ROCK1: variants seen among roughly 807,000 people sequenced by gnomAD.
The protein encoded by ROCK1 is rho-associated protein kinase 1.
Under a neutral mutation model 196.8 loss-of-function variants are expected in ROCK1, and 36 were observed. The observed-to-expected ratio is 0.18, with a 90% confidence interval of 0.14 to 0.24. The LOEUF is 0.24. Among genes scored for constraint, ROCK1 ranks in the 10% least tolerant of loss-of-function variants. The pLI is 1.00. For synonymous variants in ROCK1, 443 were observed against 515.9 expected (o/e 0.86, Z 1.91); for missense variants, 920 against 1,562.0 (o/e 0.59, Z 6.93).
At chr18:21,062,596 C>A (rs1330500582) in intron 2 of ROCK1, among the ~76,000 whole-genome samples, 1 of 152,018 alleles carries the variant, frequency 6.6e-6, no homozygotes, top group Non-Finnish European at 1.5e-5. Flanking sequence ...CCAAATAATA[C>A]GTGTAAAGTC....
At chr18:20,962,289 T>C (rs1362942970) in intron 27 of ROCK1, among the ~76,000 whole-genome samples, 1 of 152,114 alleles carries the variant, frequency 6.6e-6, no homozygotes, top group Non-Finnish European at 1.5e-5. Context: ...GTGGTAGAAA[T>C]TGCAGCTCTG....
intron 2 of ROCK1, among the ~76,000 whole-genome samples, chr18:21,057,034 CTGT>C (rs1368178998): frequency 6.6e-6 from 1 of 152,214 alleles, no homozygotes; most frequent in Non-Finnish European, 1.5e-5. Context: ...CCTTCTTAAA[CTGT>C]TGTATCTTTT....
intron 9 of ROCK1, among the ~76,000 whole-genome samples, chr18:21,039,116 T>A (rs991480970): frequency 8.5e-5 from 13 of 152,172 alleles, no homozygotes; most frequent in Non-Finnish European, 1.6e-4. Context: ...TAACTTGTCT[T>A]CTCACAAAAA....
chr18:21,065,550 G>A (rs774076928), intron 2 of ROCK1, among the ~76,000 whole-genome samples: 2 of 152,004 alleles, frequency 1.3e-5, no homozygotes, highest in Non-Finnish European at 2.9e-5. Flanking sequence ...ATCCATAATG[G>A]TTTATAAGCA....
chr18:20,989,106 A>G (rs2143402597), intron 18 of ROCK1, among the ~76,000 whole-genome samples: 1 of 152,348 alleles, frequency 6.6e-6, no homozygotes, highest in East Asian at 1.9e-4. Flanking sequence ...TTTAAGGACA[A>G]CCAAAATACG....
rs140835633 is a variant in ROCK1 at position 20,995,500 on chromosome 18, T to C, written c.1886-2563A>G. 1.8e-4 allele frequency among the ~76,000 whole-genome samples: 28 copies of C among 152,248 alleles called. 1 individual carries two copies. In the East Asian group the frequency reaches 5.4e-3, roughly 30 times the overall value. ...AAGCAGGCTCTTGGGGGTCCCCAAT[T>C]CCAGGTCCTGGTTCTTGGATGGCAT... On this transcript the variant is annotated intron_variant, in intron 16 of 32. Transcript: ENST00000399799.
intron 10 of ROCK1, among the ~76,000 whole-genome samples, chr18:21,025,372 A>T (rs2035946945): frequency 6.6e-6 from 1 of 152,192 alleles, no homozygotes. Flanking sequence ...GAGGTTTTCT[A>T]TTTCATATCT....
intron 22 of ROCK1, among the ~76,000 whole-genome samples, chr18:20,979,504 C>T (rs1190410673): frequency 6.6e-6 from 1 of 151,996 alleles, no homozygotes. Context: ...CGCCTGTAAT[C>T]CCAGCTACTC....
intron 24 of ROCK1, 53 bp downstream of exon 24, chr18:20,969,062 G>A (rs1198213553): frequency 1.7e-6 from 2 of 1,210,630 alleles, no homozygotes; most frequent in African/African-American, 3.0e-5. Flanking sequence ...CATAGGTAAA[G>A]ATAAATCACT....
At chr18:21,003,791 A>G (rs1240822861) in intron 16 of ROCK1, among the ~76,000 whole-genome samples, 1 of 152,194 alleles carries the variant, frequency 6.6e-6, no homozygotes, top group African/African-American at 2.4e-5. Flanking sequence ...GAGCACTGAC[A>G]TGACATTCAA....
rs1166176471 is a variant in ROCK1, at chr18:20,958,942, AATAATATATATATTTTATATAATATAT to A, written c.3512+871_3512+897del. On this transcript the variant is annotated intron_variant, in intron 29 of 32. Transcript: ENST00000399799. Reference sequence around the variant, plus strand: ...TATTTTATATATATATTATATAAAAAATAATATATATATTTTATATAATATATATAATATATATATTTTATAAAAAAT... The same window carrying A: ...TATTTTATATATATATTATATAAAAAATAATATATATATTTTATAAAAAAT... 1.4e-4 allele frequency among the ~76,000 whole-genome samples: 13 copies of A among 93,972 alleles called. No homozygotes were observed. In the Admixed American group the frequency reaches 1.7e-3, roughly 12 times the overall value. The allele number at this position is 93,972 out of a possible 152,430, so 61.6% of individuals were successfully genotyped here. A position where few individuals can be genotyped will look rare whatever the true frequency, so the allele number is the denominator to read the frequency against.
intron 12 of ROCK1, 80 bp from the exon 13 acceptor site, chr18:21,015,559 T>G (rs1303432301): frequency 3.3e-6 from 3 of 906,450 alleles, no homozygotes; most frequent in Non-Finnish European, 5.3e-6. Flanking sequence ...TTCCTTACTT[T>G]TCCACTTAAC....
chr18:21,094,595 A>C (rs1303726651), intron 1 of ROCK1, among the ~76,000 whole-genome samples: 1 of 149,014 alleles, frequency 6.7e-6, no homozygotes, highest in Non-Finnish European at 1.5e-5. Flanking sequence ...AAAAAAATAC[A>C]AACATTGGCC....
At chr18:20,962,908 T>A (rs1480607256) in intron 27 of ROCK1, among the ~76,000 whole-genome samples, 3 of 152,144 alleles carry the variant, frequency 2.0e-5, no homozygotes. Flanking sequence ...TTTCCTTTCC[T>A]TACGCCTACC....
At chr18:21,068,746 A>G (rs1261948835) in intron 2 of ROCK1, among the ~76,000 whole-genome samples, 1 of 152,168 alleles carries the variant, frequency 6.6e-6, no homozygotes, top group Non-Finnish European at 1.5e-5. Context: ...TGTATTTGTT[A>G]TAATAAATTA....
At chr18:21,041,385 G>A (rs1268563195) in intron 8 of ROCK1, among the ~76,000 whole-genome samples, 7 of 150,494 alleles carry the variant, frequency 4.7e-5, no homozygotes, top group African/African-American at 1.7e-4. Context: ...ATATTTAAAA[G>A]TACTAGGTCT....
intron 1 of ROCK1, among the ~76,000 whole-genome samples, chr18:21,109,325 G>A (rs1372987512): frequency 6.6e-6 from 1 of 151,960 alleles, no homozygotes; most frequent in Non-Finnish European, 1.5e-5. Flanking sequence ...TATAGCAAGA[G>A]GCCAGAAGAT....
chr18:20,974,083 T>G (rs1296815822), intron 22 of ROCK1, among the ~76,000 whole-genome samples: 1 of 152,216 alleles, frequency 6.6e-6, no homozygotes, highest in Non-Finnish European at 1.5e-5. Context: ...TTTGGCACTT[T>G]TAATCACTTT....
At chr18:21,009,105 T>G (rs1312859065) in intron 13 of ROCK1, among the ~76,000 whole-genome samples, 1 of 152,060 alleles carries the variant, frequency 6.6e-6, no homozygotes, top group African/African-American at 2.4e-5. Flanking sequence ...TTTCTATAAT[T>G]TTGTCTTTTT....
Sources: allele counts gnomAD v4.1 joint callset (sites outside exome capture counted in the v4.1 genomes callset), GRCh38; gene constraint gnomAD v4.1.1; transcripts MANE v1.5; gene names NCBI Gene and HGNC (gene_info 2026-07-23, HGNC 2026-07-21).